Variants in MASTL observed in about 807,000 individuals in gnomAD.
MASTL encodes microtubule associated serine/threonine kinase like.
In MASTL, 54 loss-of-function variants were observed where a neutral mutation model predicts 82.5. That is an observed-to-expected ratio of 0.65 (90% CI 0.53 to 0.82). The LOEUF (loss-of-function observed/expected upper bound fraction) is 0.82, where lower values mean the gene tolerates loss of function less well. MASTL is among the 40% of genes least tolerant of loss of function. The pLI is 0.00. For missense variants in MASTL, 950 were observed against 1,047.8 expected, an observed-to-expected ratio of 0.91 and a Z score of 1.29; for synonymous variants, 323 against 368.9, an observed-to-expected ratio of 0.88 and a Z score of 1.43.
chr10:27,160,608 G>A (rs1013676323), intron 3 of MASTL, among the ~76,000 whole-genome samples: 2 of 151,804 alleles, frequency 1.3e-5, no homozygotes, highest in African/African-American at 2.4e-5. Flanking sequence ...AAAATTAGCC[G>A]AGTGTGGTGG....
Position 27,170,243 on chromosome 10 carries a change from G to A in MASTL, c.1284G>A (p.Val428=), listed in dbSNP as rs955912964. Residue 428 remains valine, a synonymous_variant, in exon 8 of 12, where the codon GTG becomes GTA. Coordinates refer to ENST00000375940, the MANE Select transcript of MASTL (RefSeq NM_001172303.3). ...LGFHQSNQWA[V]DSGGISEEHL... ...TCCATCAGTCAAATCAGTGGGCTGT[G>A]GATTCTGGTGGGATATCTGAAGAGC... 1 of 1,613,898 alleles carries A rather than the reference G, an allele frequency of 6.2e-7. No individual in the cohort carries two copies. Among genetic ancestry groups the A allele is most frequent in the Non-Finnish European group, 8.5e-7 (1 of 1,180,028 alleles).
intron 8 of MASTL, 45 bp downstream of exon 8, chr10:27,171,128 A>T: frequency 6.6e-7 from 1 of 1,514,256 alleles, no homozygotes; most frequent in Non-Finnish European, 9.2e-7. Context: ...TTTTAGAAAA[A>T]CTATGAAGAC....
intron 11 of MASTL, among the ~76,000 whole-genome samples, chr10:27,182,078 A>G (rs2058348293): frequency 6.7e-6 from 1 of 149,968 alleles, no homozygotes; most frequent in African/African-American, 2.4e-5. Context: ...CCCTCTCAAA[A>G]AAAAAAAAAA....
At chr10:27,171,569 T>C (rs1277548835) in intron 8 of MASTL, among the ~76,000 whole-genome samples, 2 of 90,828 alleles carry the variant, frequency 2.2e-5, no homozygotes, top group Admixed American at 1.1e-4. Context: ...GTAGCTGGGA[T>C]TATAAGGGGC....
At chr10:27,181,609 T>C (rs1195587311) in intron 11 of MASTL, 28 bp downstream of exon 11, 2 of 1,515,270 alleles carry the variant, frequency 1.3e-6, no homozygotes, top group Non-Finnish European at 1.8e-6. Flanking sequence ...TACATTGTTT[T>C]ACCATTGATT....
At chr10:27,155,248 C>A (rs2057311659), upstream of MASTL, 3 of 644,414 alleles carry the variant, frequency 4.7e-6, no homozygotes, top group Non-Finnish European at 7.9e-6. Context: ...GAAGTCGGGG[C>A]TTTCCCGACG....
chr10:27,167,419 C>T, intron 7 of MASTL, 145 bp downstream of exon 7: 1 of 687,422 alleles, frequency 1.5e-6, no homozygotes, highest in South Asian at 1.8e-5. Context: ...ATTCATTTTC[C>T]TGCACATTCT....
rs891811922 is a variant in MASTL at position 27,181,173 on chromosome 10, T to C, written c.2380+107T>C. On this transcript the variant is annotated intron_variant, in intron 10 of 11. Transcript: ENST00000375940. ...GCCAAGGCGGGTGGATCGCCTGAGG[T>C]CAGGAGTTCGAGACCAGCCTGGCCA... The C allele has an allele frequency of 1.1e-5, 9 of 806,108 alleles. 1 individual carries two copies. The African/African-American group carries it at 1.5e-4, about 14-fold the overall frequency. 49.9% of individuals were successfully genotyped at this position (806,108 alleles called of 1,614,324 possible). A position where few individuals can be genotyped will look rare whatever the true frequency, so the allele number is the denominator to read the frequency against.
Position 27,181,489 on chromosome 10 carries a change from G to C in MASTL, c.2390G>C (p.Trp797Ser). ...ATATGTATAATTTTAGATATCCCTT[G>C]GCCAGAAGGTGAAGAAAAGTTATCT... ...FQNILKRDIP[W>S]PEGEEKLSDN... The change falls in exon 11 of 12, where the codon TGG becomes TCG. Residue 797 changes from tryptophan (W) to serine (S), a missense_variant. Trp to Ser is a radical substitution (Grantham distance 177). Coordinates refer to ENST00000375940, the MANE Select transcript of MASTL (RefSeq NM_001172303.3). 1 of 1,606,242 alleles carries C rather than the reference G, an allele frequency of 6.2e-7. No homozygotes were observed. Among genetic ancestry groups the C allele is most frequent in the Non-Finnish European group, 8.5e-7 (1 of 1,173,146 alleles).
Position 27,167,282 on chromosome 10 carries a change from G to A in MASTL, c.984+8G>A, listed in dbSNP as rs754187824. 5 of 1,609,162 alleles carry A rather than the reference G, an allele frequency of 3.1e-6. No homozygotes were observed. The East Asian group carries it at 1.1e-4, about 36-fold the overall frequency. On this transcript the variant is annotated splice_region_variant and intron_variant, in intron 7 of 11. Transcript: ENST00000375940. ...TGGGAAAAAGATTGCCAGGTTTGAG[G>A]GACATTTATCTTAATGAAAATCAAT...
At chr10:27,176,403 A>G (rs1208700704) in intron 9 of MASTL, among the ~76,000 whole-genome samples, 2 of 152,112 alleles carry the variant, frequency 1.3e-5, no homozygotes, top group Admixed American at 6.6e-5. Flanking sequence ...GGCTTATTCT[A>G]TTTCCCTTCT....
At chr10:27,185,088 C>A (rs142905680) in intron 11 of MASTL, among the ~76,000 whole-genome samples, 1 of 152,136 alleles carries the variant, frequency 6.6e-6, no homozygotes, top group African/African-American at 2.4e-5. Flanking sequence ...GAACTGTCAT[C>A]AGTATCTATT....
intron 1 of MASTL, among the ~76,000 whole-genome samples, chr10:27,156,659 C>T (rs1434195284): frequency 1.3e-5 from 2 of 150,192 alleles, no homozygotes; most frequent in East Asian, 4.0e-4. Context: ...GCCACCATGC[C>T]TGGCTGATTT....
At chr10:27,156,149 C>G (rs1454321329) in intron 1 of MASTL, among the ~76,000 whole-genome samples, 4 of 152,178 alleles carry the variant, frequency 2.6e-5, no homozygotes, top group Non-Finnish European at 5.9e-5. Context: ...GGACTACAAG[C>G]GCCCGTCACC....
At chr10:27,181,430 A>G (rs758633921) in intron 10 of MASTL, 50 bp from the exon 11 acceptor site, 1 of 1,295,462 alleles carries the variant, frequency 7.7e-7, no homozygotes. Flanking sequence ...TCTGGATACT[A>G]TTATTTTGAG....
intron 11 of MASTL, among the ~76,000 whole-genome samples, chr10:27,185,999 GAAT>G (rs1298502902): frequency 6.6e-6 from 1 of 152,130 alleles, no homozygotes; most frequent in Non-Finnish European, 1.5e-5. Flanking sequence ...TGAGGTAGGA[GAAT>G]CGCTTGAACC....
chr10:27,181,388 T>C (rs2058294956), intron 10 of MASTL, 92 bp from the exon 11 acceptor site: 1 of 957,136 alleles, frequency 1.0e-6, no homozygotes, highest in Non-Finnish European at 1.6e-6. Context: ...TGAAACTCCA[T>C]CTCAAAAAAC....
rs540419634 is a variant in MASTL, at chr10:27,170,610, T to C, written c.1651T>C (p.Ser551Pro). The C allele has an allele frequency of 4.4e-6, 7 of 1,607,560 alleles. No individual in the cohort carries two copies. The South Asian group carries it at 7.8e-5, about 18-fold the overall frequency. Residue 551 changes from serine to proline, a missense_variant, in exon 8 of 12, where the codon TCT (serine) becomes CCT (proline). Coordinates refer to ENST00000375940, the MANE Select transcript of MASTL (RefSeq NM_001172303.3). ...EKNSKRDYLS[S>P]SFLCSDDDRA... is the part of the protein sequence containing the mutation. ...GAATAGTAAGAGGGACTACTTAAGT[T>C]CTAGTTTTCTATGTTCTGATGATGA...
rs753597980 is a variant in MASTL, at chr10:27,155,394, AGTGT to A, written c.-32_-29del. 1 of 1,566,720 alleles carries A rather than the reference AGTGT, an allele frequency of 6.4e-7. No individual in the cohort carries two copies. Among genetic ancestry groups the A allele is most frequent in the Non-Finnish European group, 8.6e-7 (1 of 1,156,944 alleles). Reference sequence around the variant, plus strand: ...CGGGAGTGGCTGCTCGCGGAGGGGCAGTGTCTGCGGGGCCGCTGTATGCTGTCCA... The same window carrying A: ...CGGGAGTGGCTGCTCGCGGAGGGGCACTGCGGGGCCGCTGTATGCTGTCCA... On this transcript the variant is annotated 5_prime_UTR_variant, in exon 1 of 12. Transcript: ENST00000375940.
Sources: allele counts gnomAD v4.1 joint callset (sites outside exome capture counted in the v4.1 genomes callset), GRCh38; gene constraint gnomAD v4.1.1; transcripts MANE v1.5; gene names NCBI Gene and HGNC (gene_info 2026-07-23, HGNC 2026-07-21).